Variants in XYLB observed in about 807,000 individuals in gnomAD.
XYLB encodes the protein xylulose kinase.
In XYLB, 62 loss-of-function variants were observed where a neutral mutation model predicts 78.7. The ratio of observed to expected loss-of-function variants is 0.79; its 90% CI spans 0.64 to 0.97. The LOEUF (loss-of-function observed/expected upper bound fraction) is 0.97. XYLB is among the 50% of genes least tolerant of loss of function. XYLB has a pLI of 0.00. For missense variants in XYLB, 687 were observed against 676.8 expected, an observed-to-expected ratio of 1.02 and a Z score of -0.17; for synonymous variants, 245 against 247.4, an observed-to-expected ratio of 0.99 and a Z score of 0.09.
intron 2 of XYLB, among the ~76,000 whole-genome samples, chr3:38,353,905 A>G (rs1216026871): frequency 7.3e-6 from 1 of 137,072 alleles, no homozygotes; most frequent in Non-Finnish European, 1.6e-5. Flanking sequence ...AAAAAAAAGA[A>G]GTCCATCTTT....
chr3:38,359,525 T>G (rs1212148607), intron 2 of XYLB, among the ~76,000 whole-genome samples: 1 of 152,268 alleles, frequency 6.6e-6, no homozygotes, highest in Non-Finnish European at 1.5e-5. Context: ...AATTTGCGTC[T>G]TCTAGTCTGT....
At chr3:38,374,251 G>T (rs577034984) in intron 10 of XYLB, among the ~76,000 whole-genome samples, 2 of 151,472 alleles carry the variant, frequency 1.3e-5, no homozygotes, top group African/African-American at 4.9e-5. Flanking sequence ...TCAAATCAGC[G>T]GCCCTGCTAA....
Position 38,413,129 on chromosome 3 carries a change from C to A in XYLB, c.*116C>A. ...GAACAGCTCTTCCTGCCCCTACTGACTCCTTGGAGTGTCCAGGACCATCTT... is the reference window on the plus strand; with the variant it reads ...GAACAGCTCTTCCTGCCCCTACTGAATCCTTGGAGTGTCCAGGACCATCTT... On this transcript the variant is annotated 3_prime_UTR_variant, in exon 19 of 19. Coordinates refer to ENST00000207870, the MANE Select transcript of XYLB (RefSeq NM_005108.4). The A allele has an allele frequency of 2.9e-6, 3 of 1,039,066 alleles. No individual in the cohort carries two copies. The highest frequency in any genetic ancestry group is 4.1e-6 in the Non-Finnish European group (3 of 739,502). 64.4% of individuals were successfully genotyped at this position (1,039,066 alleles called of 1,614,324 possible). A position where few individuals can be genotyped will look rare whatever the true frequency, so the allele number is the denominator to read the frequency against.
At chr3:38,415,812 G>GT (rs1278116679), downstream of XYLB, among the ~76,000 whole-genome samples, 1 of 152,048 alleles carries the variant, frequency 6.6e-6, no homozygotes, top group Non-Finnish European at 1.5e-5. Flanking sequence ...CCAAGACTGG[G>GT]TAATTTATAA....
chr3:38,356,053 C>T, intron 2 of XYLB: 1 of 376,632 alleles, frequency 2.7e-6, no homozygotes, highest in Admixed American at 3.9e-5. Context: ...AGATCGAGAC[C>T]ATCCTGGCTA....
At chr3:38,381,870 C>T (rs1026770010) in intron 15 of XYLB, among the ~76,000 whole-genome samples, 1 of 152,250 alleles carries the variant, frequency 6.6e-6, no homozygotes, top group African/African-American at 2.4e-5. Context: ...GTCCTGTGAT[C>T]TCACCCTGCC....
At position 38,374,316 on chromosome 3, in the gene XYLB, G is replaced by A. The variant is rs554731659; in HGVS notation, c.848-146G>A. 5.4e-6 allele frequency: 6 copies of A among 1,108,582 alleles called. No homozygotes were observed. In the African/African-American group the frequency reaches 6.3e-5, roughly 12 times the overall value. The allele number at this position is 1,108,582 out of a possible 1,614,324, so 68.7% of individuals were successfully genotyped here. The stretch of plus-strand genomic sequence containing the variant: ...CTTCTCCTCTTAGGGCCTCCTGAGC[G>A]CTCAGCTCCCCTGCTCCTGCCTCCA... On this transcript the variant is annotated intron_variant, in intron 10 of 18. Coordinates refer to ENST00000207870, the MANE Select transcript of XYLB (RefSeq NM_005108.4).
chr3:38,385,828 G>T (rs887263332), intron 15 of XYLB, among the ~76,000 whole-genome samples: 7 of 152,170 alleles, frequency 4.6e-5, no homozygotes, highest in Non-Finnish European at 8.8e-5. Flanking sequence ...GCTCTCTCTG[G>T]ATGCTCATTG....
chr3:38,394,374 T>G (rs1707784746), intron 15 of XYLB, among the ~76,000 whole-genome samples: 1 of 152,224 alleles, frequency 6.6e-6, no homozygotes, highest in South Asian at 2.1e-4. Flanking sequence ...TTATTATAAG[T>G]TGATTTTGTA....
intron 15 of XYLB, among the ~76,000 whole-genome samples, chr3:38,385,260 A>G (rs1251741002): frequency 1.3e-5 from 2 of 152,114 alleles, no homozygotes; most frequent in Non-Finnish European, 2.9e-5. Flanking sequence ...TTGGCCTCCA[A>G]AGTGCTGGGA....
At chr3:38,400,683 T>C (rs1352713322) in intron 17 of XYLB, among the ~76,000 whole-genome samples, 1 of 152,212 alleles carries the variant, frequency 6.6e-6, no homozygotes, top group Non-Finnish European at 1.5e-5. Flanking sequence ...TGTTTTGTAA[T>C]TTTATTGAGG....
At chr3:38,406,284 A>T (rs2125667759) in intron 18 of XYLB, among the ~76,000 whole-genome samples, 1 of 152,372 alleles carries the variant, frequency 6.6e-6, no homozygotes, top group Middle Eastern at 3.4e-3. Flanking sequence ...CAGGGTCTGG[A>T]GTGGACCGCT....
At chr3:38,357,749 G>A (rs931290560) in intron 2 of XYLB, among the ~76,000 whole-genome samples, 4 of 150,906 alleles carry the variant, frequency 2.7e-5, no homozygotes, top group Non-Finnish European at 4.4e-5. Flanking sequence ...GATGTGAAAT[G>A]CAATCTCACT....
At chr3:38,441,297 G>A in the XYLB span, among the ~76,000 whole-genome samples, 2 of 152,146 alleles carry the variant, frequency 1.3e-5, no homozygotes, top group Admixed American at 6.6e-5. Flanking sequence ...TAAGGCTCAC[G>A]TAAGTGCCAC....
intron 2 of XYLB, among the ~76,000 whole-genome samples, chr3:38,358,825 G>A (rs191227110): frequency 3.8e-4 from 58 of 152,182 alleles, no homozygotes; most frequent in African/African-American, 1.3e-3. Flanking sequence ...TATAATTTAT[G>A]TACAAAAAAT....
chr3:38,424,230 T>G (rs562544748), downstream of XYLB, among the ~76,000 whole-genome samples: 8 of 152,326 alleles, frequency 5.3e-5, no homozygotes, highest in African/African-American at 1.9e-4. Context: ...GAGCAAGATC[T>G]TGTAGAATGG....
At chr3:38,374,910 C>G (rs1706768721) in intron 11 of XYLB, among the ~76,000 whole-genome samples, 1 of 152,136 alleles carries the variant, frequency 6.6e-6, no homozygotes, top group South Asian at 2.1e-4. Flanking sequence ...TATTTAGATG[C>G]AGTTGTGGGA....
chr3:38,353,070 A>AT (rs1422748333), intron 2 of XYLB, among the ~76,000 whole-genome samples: 2 of 152,234 alleles, frequency 1.3e-5, no homozygotes, highest in African/African-American at 4.8e-5. Flanking sequence ...TATTTATGTC[A>AT]TTGAATTTCC....
At chr3:38,437,735 G>T in the XYLB span, among the ~76,000 whole-genome samples, 1 of 151,904 alleles carries the variant, frequency 6.6e-6, no homozygotes, top group East Asian at 1.9e-4. Flanking sequence ...CTTAAGGCCA[G>T]GAGTCCAAGA....
Sources: gnomAD v4.1 joint callset for allele counts (sites outside exome capture counted in the v4.1 genomes callset) on GRCh38, gnomAD v4.1.1 for gene constraint, MANE v1.5 for transcripts, NCBI Gene and HGNC (gene_info 2026-07-23, HGNC 2026-07-21) for gene names.